ZNF385D: variants seen among roughly 807,000 people sequenced by gnomAD.
The protein encoded by ZNF385D is zinc finger protein 659.
A neutral mutation model predicts 35.8 loss-of-function variants in ZNF385D; 15 were observed. That is an observed-to-expected ratio of 0.42 (90% CI 0.28 to 0.64). The LOEUF (loss-of-function observed/expected upper bound fraction) is 0.64. Ranked by LOEUF, ZNF385D falls within the 30% of genes least tolerant of loss-of-function variation. The pLI is 0.23. For synonymous variants in ZNF385D, 212 were observed against 186.8 expected (o/e 1.13, Z -1.10); for missense variants, 474 against 494.6 (o/e 0.96, Z 0.39).
intron 2 of ZNF385D, among the ~76,000 whole-genome samples, chr3:22,312,952 C>T (rs1306621054): frequency 7.1e-6 from 1 of 141,706 alleles, no homozygotes; most frequent in Non-Finnish European, 1.5e-5. Flanking sequence ...CACATGCACA[C>T]GTATGTTTAT....
chr3:21,945,400 G>T (rs11715520), intron 3 of ZNF385D, among the ~76,000 whole-genome samples: 1 of 151,968 alleles, frequency 6.6e-6, no homozygotes, highest in Non-Finnish European at 1.5e-5. Flanking sequence ...TTAGTTGTAT[G>T]TTTTCTTCAT....
At chr3:22,325,999 C>T (rs1320007505) in intron 2 of ZNF385D, among the ~76,000 whole-genome samples, 1 of 152,114 alleles carries the variant, frequency 6.6e-6, no homozygotes, top group Non-Finnish European at 1.5e-5. Flanking sequence ...TTCCCTTTCT[C>T]ATAAGCAGTC....
chr3:21,764,483 C>A (rs2070746217), intron 3 of ZNF385D, among the ~76,000 whole-genome samples: 2 of 152,134 alleles, frequency 1.3e-5, no homozygotes, highest in Non-Finnish European at 2.9e-5. Flanking sequence ...ATGCTGTAAT[C>A]TCTGGTACAA....
chr3:21,957,018 T>C (rs1294211745), intron 3 of ZNF385D: 1 of 152,166 alleles, frequency 6.6e-6, no homozygotes, highest in Non-Finnish European at 1.5e-5. Context: ...AATTGAATCA[T>C]GGGGACCAGT....
chr3:21,519,850 C>G (rs1313847986), intron 3 of ZNF385D, among the ~76,000 whole-genome samples: 4 of 152,130 alleles, frequency 2.6e-5, no homozygotes, highest in African/African-American at 9.7e-5. Flanking sequence ...GTGACACACA[C>G]CATTTGAATA....
At chr3:22,031,074 G>A (rs1202213868) in intron 3 of ZNF385D, among the ~76,000 whole-genome samples, 2 of 152,328 alleles carry the variant, frequency 1.3e-5, no homozygotes, top group East Asian at 3.9e-4. Context: ...GGCTCTCAAT[G>A]CTTTAGCAGC....
chr3:21,763,448 T>A (rs2125591237), intron 3 of ZNF385D, among the ~76,000 whole-genome samples: 1 of 152,292 alleles, frequency 6.6e-6, no homozygotes, highest in Non-Finnish European at 1.5e-5. Flanking sequence ...CCTAATTAAT[T>A]TGAGGATGAA....
chr3:21,753,889 T>C (rs1172264110), upstream of ZNF385D, among the ~76,000 whole-genome samples: 1 of 152,158 alleles, frequency 6.6e-6, no homozygotes, highest in East Asian at 1.9e-4. Flanking sequence ...CCTGTTTCTA[T>C]AGAGTTTGAC....
At chr3:21,951,032 C>G (rs1396209907) in intron 3 of ZNF385D, among the ~76,000 whole-genome samples, 1 of 151,586 alleles carries the variant, frequency 6.6e-6, no homozygotes, top group African/African-American at 2.4e-5. Flanking sequence ...TATATGGGCT[C>G]TTTTTTGGTT....
intron 3 of ZNF385D, among the ~76,000 whole-genome samples, chr3:21,847,463 C>A (rs1234773314): frequency 1.3e-5 from 2 of 151,978 alleles, no homozygotes; most frequent in African/African-American, 4.8e-5. Context: ...GGAACAATAG[C>A]AAAATATTCT....
At chr3:22,125,522 A>G (rs556743535) in intron 3 of ZNF385D, among the ~76,000 whole-genome samples, 35 of 152,168 alleles carry the variant, frequency 2.3e-4, no homozygotes, top group Admixed American at 2.0e-3. Flanking sequence ...CATTTTAACA[A>G]TATTATTTTT....
chr3:21,906,639 C>G (rs1267136529), intron 3 of ZNF385D, among the ~76,000 whole-genome samples: 1 of 152,142 alleles, frequency 6.6e-6, no homozygotes, highest in East Asian at 1.9e-4. Flanking sequence ...GTGCCACTCT[C>G]TTTCTGTGCC....
chr3:22,138,155 T>A (rs573624354), intron 3 of ZNF385D, among the ~76,000 whole-genome samples: 2 of 152,006 alleles, frequency 1.3e-5, no homozygotes, highest in East Asian at 3.9e-4. Flanking sequence ...CACTGCTCAA[T>A]GAAATAAAAG....
At chr3:21,490,763 T>G (rs1427440138) in intron 4 of ZNF385D, among the ~76,000 whole-genome samples, 2 of 149,958 alleles carry the variant, frequency 1.3e-5, no homozygotes, top group African/African-American at 4.9e-5. Flanking sequence ...CTTGGGTTTA[T>G]GAGACTTGGC....
At chr3:22,048,328 A>G (rs2125521913) in intron 3 of ZNF385D, among the ~76,000 whole-genome samples, 1 of 152,286 alleles carries the variant, frequency 6.6e-6, no homozygotes, top group South Asian at 2.1e-4. Context: ...AAAAAAATCA[A>G]TGCCCAAACC....
intron 2 of ZNF385D, among the ~76,000 whole-genome samples, chr3:22,242,456 A>C (rs1351385733): frequency 6.6e-6 from 1 of 151,044 alleles, no homozygotes; most frequent in Non-Finnish European, 1.5e-5. Context: ...TAAACCCTGA[A>C]ATGAAGCCAT....
intron 3 of ZNF385D, among the ~76,000 whole-genome samples, chr3:22,076,277 T>C (rs1700458248): frequency 6.6e-6 from 1 of 151,912 alleles, no homozygotes; most frequent in South Asian, 2.1e-4. Flanking sequence ...TGTGGCCTGG[T>C]CTCTATCTGT....
At chr3:21,708,568 T>C (rs1378568206) in intron 1 of ZNF385D, among the ~76,000 whole-genome samples, 1 of 152,208 alleles carries the variant, frequency 6.6e-6, no homozygotes, top group East Asian at 1.9e-4. Context: ...TGGAAATAAA[T>C]TTGAAATTAC....
chr3:21,701,947 G>A (rs1374531797), intron 1 of ZNF385D, among the ~76,000 whole-genome samples: 1 of 152,108 alleles, frequency 6.6e-6, no homozygotes, highest in Non-Finnish European at 1.5e-5. Flanking sequence ...CCCCATCTTG[G>A]CTACTTTCAT....
Sources: gnomAD v4.1 joint callset for allele counts (sites outside exome capture counted in the v4.1 genomes callset) on GRCh38, gnomAD v4.1.1 for gene constraint, MANE v1.5 for transcripts, NCBI Gene and HGNC (gene_info 2026-07-23, HGNC 2026-07-21) for gene names.